The following CDC42BPB variants were observed in gnomAD, a reference collection of about 807,000 sequenced individuals.
CDC42BPB encodes serine/threonine-protein kinase MRCK beta.
Under a neutral mutation model 214.9 loss-of-function variants are expected in CDC42BPB, and 37 were observed. That is an observed-to-expected ratio of 0.17 (90% confidence interval 0.13 to 0.23). CDC42BPB has a LOEUF of 0.23. CDC42BPB is among the 10% of genes least tolerant of loss of function. The probability of loss-of-function intolerance (pLI) is 1.00; values close to 1 mark genes in which losing one functional copy is unlikely to be tolerated. For missense variants in CDC42BPB, 1,694 were observed against 2,227.0 expected (o/e 0.76, Z 4.82); for synonymous variants, 931 against 884.0 (o/e 1.05, Z -0.94).
At chr14:102,960,183 C>T (rs539835024) in intron 20 of CDC42BPB, among the ~76,000 whole-genome samples, 3 of 151,838 alleles carry the variant, frequency 2.0e-5, no homozygotes, top group East Asian at 1.9e-4. Context: ...CCAGCCTGGG[C>T]GACAGAGCAA....
At chr14:102,933,964 G>T in intron 36 of CDC42BPB, 121 bp from the exon 37 acceptor site, 1 of 1,420,408 alleles carries the variant, frequency 7.0e-7, no homozygotes, top group Non-Finnish European at 9.1e-7. Context: ...CTCCCTTCAT[G>T]TTATGAAAAC....
rs1304802085 is a variant in CDC42BPB at position 102,944,812 on chromosome 14, T to C, written c.3812-325A>G. On this transcript the variant is annotated intron_variant, in intron 29 of 36. Coordinates refer to ENST00000361246, the MANE Select transcript of CDC42BPB (RefSeq NM_006035.4). The surrounding 1 kb of genome is among the most constrained non-coding windows in gnomAD (Gnocchi z 6.6). ...CTGGGCAGCGCTTCCACCTGGGTCC[T>C]CGCGCAGCAAGGCCCTGGGGTGATC... 3.3e-5 allele frequency among the ~76,000 whole-genome samples: 5 copies of C among 152,172 alleles called. No homozygotes were observed. The highest frequency in any genetic ancestry group is 5.9e-5 in the Non-Finnish European group (4 of 68,008).
chr14:103,011,587 A>G (rs1010243536), intron 2 of CDC42BPB, among the ~76,000 whole-genome samples: 2 of 152,000 alleles, frequency 1.3e-5, no homozygotes, highest in African/African-American at 4.8e-5. Flanking sequence ...TCTACAAAAA[A>G]TACAAAAATT....
rs1341355633 is a variant in CDC42BPB, at chr14:102,944,379, G to A, written c.3920C>T (p.Pro1307Leu). The A allele has an allele frequency of 3.1e-6, 5 of 1,613,070 alleles. No individual in the cohort carries two copies. Among genetic ancestry groups the A allele is most frequent in the Non-Finnish European group, 4.2e-6 (5 of 1,180,036 alleles). ...TTCCGCTCCATCAAGGGACGACCACGGATAGAGGTGCACATGGTGGTTCCG... is the reference window on the plus strand; with the variant it reads ...TTCCGCTCCATCAAGGGACGACCACAGATAGAGGTGCACATGGTGGTTCCG... ...CGRNHHVHLY[P>L]WSSLDGAEGS... The change falls in exon 30 of 37, where the codon CCG becomes CTG. Residue 1307 changes from proline (P) to leucine (L), a missense_variant. Physicochemically the swap from Pro to Leu is moderately conservative, Grantham distance 98. Coordinates refer to ENST00000361246, the MANE Select transcript of CDC42BPB (RefSeq NM_006035.4). This position sits in a 1 kb window ranked among gnomAD's most constrained non-coding sequence, Gnocchi z 6.6.
chr14:102,982,337 C>T (rs189529529), intron 7 of CDC42BPB, among the ~76,000 whole-genome samples: 9 of 152,278 alleles, frequency 5.9e-5, no homozygotes, highest in African/African-American at 1.2e-4. Context: ...CCTGTGAGAG[C>T]GAACTGTGGG....
intron 11 of CDC42BPB, chr14:102,974,377 TCTGATCTGACAGCGATCTCCC>T: frequency 2.0e-6 from 2 of 984,992 alleles, no homozygotes; most frequent in Non-Finnish European, 2.4e-6. Context: ...TAGACTTTAC[TCTGATCTGACAGCGATCTCCC>T]CTGAGCACTG....
chr14:102,959,670 A>C lies in CDC42BPB; in HGVS notation c.2862T>G (p.Tyr954Ter). ...LPDFQDSIFE[Y>*]FNTAPLAHDL... is the part of the protein sequence containing the mutation. ...CATGTGCAAGAGGAGCAGTGTTGAA[A>C]TACTCAAAAATGGAATCCTGAAAAT... The change falls in exon 21 of 37, where the codon TAT becomes TAG. Residue 954 changes from tyrosine (Y) to a stop codon, truncating the protein, a stop_gained. Coordinates refer to ENST00000361246, the MANE Select transcript of CDC42BPB (RefSeq NM_006035.4). LOFTEE classifies it high-confidence loss of function. 6.2e-7 allele frequency: 1 copy of C among 1,612,568 alleles called. No individual in the cohort carries two copies. Among genetic ancestry groups the C allele is most frequent in the Non-Finnish European group, 8.5e-7 (1 of 1,179,536 alleles).
intron 7 of CDC42BPB, 123 bp downstream of exon 7, chr14:102,983,433 C>T: frequency 6.9e-7 from 1 of 1,454,044 alleles, no homozygotes; most frequent in East Asian, 2.4e-5. Flanking sequence ...TTGGTCCAAA[C>T]CCCGTCACCT....
chr14:102,977,050 T>C (rs960077386), intron 9 of CDC42BPB, among the ~76,000 whole-genome samples: 5 of 152,040 alleles, frequency 3.3e-5, no homozygotes, highest in African/African-American at 9.7e-5. Flanking sequence ...AGCAGAAGTA[T>C]GGGGATATCA....
Position 103,048,019 on chromosome 14 carries a change from G to A in CDC42BPB, c.175+8980C>T, listed in dbSNP as rs912067357. On this transcript the variant is annotated intron_variant, in intron 1 of 36. Transcript: ENST00000361246. ...CAAAAGATGAAAGACACAGAATCCA[G>A]AAAGGGGAATTCAACAGAGGAAAGA... 2.0e-5 allele frequency among the ~76,000 whole-genome samples: 3 copies of A among 151,992 alleles called. No individual in the cohort carries two copies. In the South Asian group the frequency reaches 6.2e-4, roughly 31 times the overall value.
chr14:102,943,311 G>A lies in CDC42BPB; in HGVS notation c.4408+580C>T, dbSNP rs1891985827. On this transcript the variant is annotated intron_variant, in intron 30 of 36. Transcript: ENST00000361246. This position sits in a 1 kb window ranked among gnomAD's most constrained non-coding sequence, Gnocchi z 4.6. ...TTAAAAGCAATCGGACAGCGGGCCA[G>A]TCGGGAAGTGTCCACTGGTCCTACC... is the stretch of plus-strand genomic sequence containing the variant. Among the ~76,000 whole-genome samples, 1 of 152,222 alleles carries A rather than the reference G, an allele frequency of 6.6e-6. No individual in the cohort carries two copies. Among genetic ancestry groups the A allele is most frequent in the African/African-American group, 2.4e-5 (1 of 41,450 alleles).
chr14:102,997,601 C>A (rs1166655222), intron 5 of CDC42BPB, among the ~76,000 whole-genome samples: 1 of 152,138 alleles, frequency 6.6e-6, no homozygotes, highest in Admixed American at 6.5e-5. Flanking sequence ...AAAACCAGAT[C>A]GAGACTACCC....
At chr14:102,958,086 C>A (rs1211594764) in intron 21 of CDC42BPB, among the ~76,000 whole-genome samples, 1 of 152,218 alleles carries the variant, frequency 6.6e-6, no homozygotes, top group Non-Finnish European at 1.5e-5. Flanking sequence ...AAACAAAAGA[C>A]TAAATGCGAT....
rs1324147104 is a variant in CDC42BPB, at chr14:103,022,135, T to C, written c.176-9947A>G. ...GACAGAACCCTGGGGGGCTTCGACA[T>C]GAGGTGGCTGCGGGGAAGAGAAGCC... On this transcript the variant is annotated intron_variant, in intron 1 of 36. Transcript: ENST00000361246. Among the ~76,000 whole-genome samples, 3 of 151,948 alleles carry C rather than the reference T, an allele frequency of 2.0e-5. No homozygotes were observed. In the East Asian group the frequency reaches 5.8e-4, roughly 29 times the overall value.
At chr14:102,961,492 G>A (rs7154044) in intron 20 of CDC42BPB, among the ~76,000 whole-genome samples, 1,569 of 151,472 alleles carry the variant, frequency 0.01, 33 homozygotes, top group African/African-American at 0.035. Context: ...GCCCCACCAC[G>A]CCCAGCTAAT....
chr14:103,041,496 G>C, intron 1 of CDC42BPB: 1 of 1,367,364 alleles, frequency 7.3e-7, no homozygotes. Flanking sequence ...TGGCATGGAA[G>C]CCCCACTTCC....
In CDC42BPB at chr14:102,940,499, A is replaced by C. The variant is rs572836015; in HGVS notation, c.4409-175T>G. 4 of 1,440,594 alleles carry C rather than the reference A, an allele frequency of 2.8e-6. No homozygotes were observed. The African/African-American group carries it at 5.7e-5, about 21-fold the overall frequency. 89.2% of individuals were successfully genotyped at this position (1,440,594 alleles called of 1,614,324 possible). A position where few individuals can be genotyped will look rare whatever the true frequency, so the allele number is the denominator to read the frequency against. ...CACTCTGGAATTCATCTTCATTTCA[A>C]AGTTTAAACAAACACAATCCAATGT... On this transcript the variant is annotated intron_variant, in intron 30 of 36. Transcript: ENST00000361246.
At chr14:102,965,479 C>T (rs1893159148) in intron 18 of CDC42BPB, among the ~76,000 whole-genome samples, 1 of 151,448 alleles carries the variant, frequency 6.6e-6, no homozygotes, top group Non-Finnish European at 1.5e-5. Context: ...AGCCAGTTCA[C>T]TAACATCATC....
chr14:103,009,288 T>C (rs911250063), intron 2 of CDC42BPB, among the ~76,000 whole-genome samples: 5 of 152,246 alleles, frequency 3.3e-5, no homozygotes, highest in African/African-American at 1.2e-4. Context: ...AGTCACATCG[T>C]AGAGTCACTG....
Sources: gnomAD v4.1 joint callset for allele counts (sites outside exome capture counted in the v4.1 genomes callset) on GRCh38, gnomAD v4.1.1 for gene constraint, Gnocchi (gnomAD v3.1) non-coding constraint, MANE v1.5 for transcripts, NCBI Gene and HGNC (gene_info 2026-07-23, HGNC 2026-07-21) for gene names.